The following GRK5 variants were observed in gnomAD, a reference collection of about 807,000 sequenced individuals.
GRK5 encodes the protein g protein-coupled receptor kinase GRK5.
Under a neutral mutation model 78.4 loss-of-function variants are expected in GRK5, and 40 were observed. The observed-to-expected ratio is 0.51, with a 90% CI of 0.40 to 0.66. The LOEUF (loss-of-function observed/expected upper bound fraction) is 0.66, where lower values mean the gene tolerates loss of function less well. Ranked by LOEUF, GRK5 falls within the 30% of genes least tolerant of loss-of-function variation. The pLI, the probability that GRK5 is intolerant of heterozygous loss-of-function variation, is 0.00. For missense variants in GRK5, 598 were observed against 759.9 expected (o/e 0.79, Z 2.50); for synonymous variants, 289 against 296.8 (o/e 0.97, Z 0.27).
At chr10:119,382,074 C>T (rs1189296264) in intron 3 of GRK5, among the ~76,000 whole-genome samples, 1 of 152,182 alleles carries the variant, frequency 6.6e-6, no homozygotes, top group African/African-American at 2.4e-5. Flanking sequence ...TATAGTCACC[C>T]GAGCCTGAAA....
At chr10:119,266,773 G>GT (rs1254703830) in intron 1 of GRK5, among the ~76,000 whole-genome samples, 1,490 of 134,646 alleles carry the variant, frequency 0.011, 26 homozygotes, top group African/African-American at 0.028. Flanking sequence ...GGGGGGAAGA[G>GT]TTTTTTTTTT....
At chr10:119,356,199 A>G (rs1407787756) in intron 2 of GRK5, among the ~76,000 whole-genome samples, 3 of 152,238 alleles carry the variant, frequency 2.0e-5, no homozygotes, top group African/African-American at 7.2e-5. Context: ...AAGGACATAG[A>G]TAAGAGCACA....
chr10:119,211,768 G>A (rs1435522106), intron 1 of GRK5: 1 of 152,252 alleles, frequency 6.6e-6, no homozygotes, highest in African/African-American at 2.4e-5. Context: ...TAGCACCTCG[G>A]GGCCTGGAAG....
In GRK5 at chr10:119,395,152, A is replaced by G. The variant is rs550955068; in HGVS notation, c.262-1543A>G. On this transcript the variant is annotated intron_variant, in intron 3 of 15. Coordinates refer to ENST00000392870, the MANE Select transcript of GRK5 (RefSeq NM_005308.3). ...TCTCTGAGCCTCTGTGTCCAGCCCTATAAAATGAGGGGTGGGATTCCTTAC... is the reference window on the plus strand; with the variant it reads ...TCTCTGAGCCTCTGTGTCCAGCCCTGTAAAATGAGGGGTGGGATTCCTTAC... 7.9e-5 allele frequency among the ~76,000 whole-genome samples: 12 copies of G among 152,324 alleles called. 1 individual carries two copies. In the East Asian group the frequency reaches 2.1e-3, roughly 27 times the overall value.
chr10:119,261,717 C>T (rs923734879), intron 1 of GRK5, among the ~76,000 whole-genome samples: 10 of 152,234 alleles, frequency 6.6e-5, no homozygotes, highest in African/African-American at 2.2e-4. Flanking sequence ...GCCAACACAG[C>T]GAAACCCCGT....
chr10:119,339,173 A>G (rs1850941922), intron 2 of GRK5, among the ~76,000 whole-genome samples: 2 of 152,186 alleles, frequency 1.3e-5, no homozygotes, highest in Non-Finnish European at 1.5e-5. Flanking sequence ...GCCTCGGTTC[A>G]CTGCAGTCAG....
In GRK5 at chr10:119,392,441, G is replaced by A. The variant is rs575595160; in HGVS notation, c.262-4254G>A. Among the ~76,000 whole-genome samples, 8 of 152,254 alleles carry A rather than the reference G, an allele frequency of 5.3e-5. No individual in the cohort carries two copies. In the East Asian group the frequency reaches 1.2e-3, roughly 22 times the overall value. On this transcript the variant is annotated intron_variant, in intron 3 of 15. Transcript: ENST00000392870. ...TAGACCTGAGTTCTGGGCAGGGAGA[G>A]CTCCAGGCTGGAGTGCAATGGCACA... is the stretch of plus-strand genomic sequence containing the variant.
At position 119,412,990 on chromosome 10, in the gene GRK5, T is replaced by G. The variant is rs1025013100; in HGVS notation, c.340-10176T>G. ...TTGGAGGCCTCCTGCTCACCTGGCC[T>G]AAGCCCCTGATTTTACAGATGGTGA... On this transcript the variant is annotated intron_variant, in intron 4 of 15. Coordinates refer to ENST00000392870, the MANE Select transcript of GRK5 (RefSeq NM_005308.3). This position sits in a 1 kb window ranked among gnomAD's most constrained non-coding sequence, Gnocchi z 4.3. 1.3e-5 allele frequency among the ~76,000 whole-genome samples: 2 copies of G among 152,226 alleles called. No homozygotes were observed. Among genetic ancestry groups the G allele is most frequent in the African/African-American group, 4.8e-5 (2 of 41,458 alleles).
intron 1 of GRK5, among the ~76,000 whole-genome samples, chr10:119,272,835 T>A (rs1389315681): frequency 6.6e-6 from 1 of 152,148 alleles, no homozygotes; most frequent in Admixed American, 6.5e-5. Context: ...CACAGTTGTC[T>A]GTGTCACTTG....
rs534556607 is a variant in GRK5 at position 119,274,730 on chromosome 10, T to C, written c.53-51786T>C. On this transcript the variant is annotated intron_variant, in intron 1 of 15. Transcript: ENST00000392870. ...ATGAAGTTAGAGTTTTCGGTTTCTCTGTCCCCTTAGCTGAGGGGCTTTCAC... is the reference window on the plus strand; with the variant it reads ...ATGAAGTTAGAGTTTTCGGTTTCTCCGTCCCCTTAGCTGAGGGGCTTTCAC... Among the ~76,000 whole-genome samples, 12 of 152,350 alleles carry C rather than the reference T, an allele frequency of 7.9e-5. No individual in the cohort carries two copies. In the South Asian group the frequency reaches 2.5e-3, roughly 32 times the overall value.
intron 4 of GRK5, among the ~76,000 whole-genome samples, chr10:119,407,689 C>T (rs1301449581): frequency 6.6e-6 from 1 of 152,236 alleles, no homozygotes; most frequent in Admixed American, 6.5e-5. Flanking sequence ...TTTACCCAGG[C>T]AGTCAGAGTT....
At chr10:119,259,509 A>G (rs1412022552) in intron 1 of GRK5, among the ~76,000 whole-genome samples, 2 of 152,202 alleles carry the variant, frequency 1.3e-5, no homozygotes, top group South Asian at 2.1e-4. Context: ...TTGGTTGGTG[A>G]GTTAGTCACT....
Position 119,336,326 on chromosome 10 carries a change from G to A in GRK5, c.148+9715G>A, listed in dbSNP as rs1233525201. 6.6e-6 allele frequency: 1 copy of A among 152,182 alleles called. No homozygotes were observed. The highest frequency in any genetic ancestry group is 2.4e-5 in the African/African-American group (1 of 41,424). The allele number at this position is 152,182 out of a possible 1,614,324, so 9.4% of individuals were successfully genotyped here. A position where few individuals can be genotyped will look rare whatever the true frequency, so the allele number is the denominator to read the frequency against. On this transcript the variant is annotated intron_variant, in intron 2 of 15. Coordinates refer to ENST00000392870, the MANE Select transcript of GRK5 (RefSeq NM_005308.3). The surrounding 1 kb of genome is among the most constrained non-coding windows in gnomAD (Gnocchi z 4.5). ...GCCCAGGCCCCTGCTCTGGCCCAGT[G>A]TGTTTCCTTGAAAGGACGTGTGTCA...
intron 3 of GRK5, among the ~76,000 whole-genome samples, chr10:119,392,813 C>T (rs1046012960): frequency 1.3e-5 from 2 of 152,186 alleles, no homozygotes; most frequent in Admixed American, 6.5e-5. Context: ...ATGGAGGTCA[C>T]GAGGGCACTC....
intron 6 of GRK5, among the ~76,000 whole-genome samples, chr10:119,425,636 A>C (rs919666697): frequency 6.6e-6 from 1 of 152,210 alleles, no homozygotes; most frequent in African/African-American, 2.4e-5. Flanking sequence ...CTCCAGTGCC[A>C]CAGTGCCCGA....
rs571469246 is a variant in GRK5 at position 119,277,631 on chromosome 10, A to G, written c.53-48885A>G. ...AGAATATGATTTGAGAAGTTAGGATATATCCATACCCGTGTGAATCTACAT... is the reference window on the plus strand; with the variant it reads ...AGAATATGATTTGAGAAGTTAGGATGTATCCATACCCGTGTGAATCTACAT... On this transcript the variant is annotated intron_variant, in intron 1 of 15. Coordinates refer to ENST00000392870, the MANE Select transcript of GRK5 (RefSeq NM_005308.3). Among the ~76,000 whole-genome samples the G allele has an allele frequency of 1.0e-3, 154 of 152,252 alleles. 1 individual carries two copies. The highest frequency in any genetic ancestry group is 2.0e-3 in the Non-Finnish European group (133 of 68,036).
At chr10:119,406,561 C>A in intron 4 of GRK5, 2 of 780,050 alleles carry the variant, frequency 2.6e-6, no homozygotes, top group Non-Finnish European at 3.1e-6. Context: ...TGAGATTGCC[C>A]GGCCCTCATT....
chr10:119,407,406 G>A (rs1259079906), intron 4 of GRK5, among the ~76,000 whole-genome samples: 7 of 152,212 alleles, frequency 4.6e-5, no homozygotes, highest in African/African-American at 7.2e-5. Flanking sequence ...GGGGATGGCC[G>A]GCAGCTGGGT....
intron 2 of GRK5, among the ~76,000 whole-genome samples, chr10:119,373,194 C>T (rs554212670): frequency 3.8e-4 from 58 of 152,320 alleles, no homozygotes; most frequent in African/African-American, 1.3e-3. Context: ...TGGTTCTTTT[C>T]CATAGATAGC....
Sources: allele counts gnomAD v4.1 joint callset (sites outside exome capture counted in the v4.1 genomes callset), GRCh38; gene constraint gnomAD v4.1.1; non-coding constraint Gnocchi (gnomAD v3.1); transcripts MANE v1.5; gene names NCBI Gene and HGNC (gene_info 2026-07-23, HGNC 2026-07-21).